The following SCFD1 variants were observed in gnomAD, a reference collection of about 807,000 sequenced individuals.
SCFD1 encodes sec1 family domain containing 1, also known as sec1 family domain-containing protein 1.
SCFD1 carries 37 observed loss-of-function variants against 103.2 expected under a neutral mutation model. That is an observed-to-expected ratio of 0.36 (90% CI 0.28 to 0.47). The LOEUF is 0.47. Ranked by LOEUF, SCFD1 falls within the 20% of genes least tolerant of loss-of-function variation. SCFD1 has a pLI of 1.00. For missense variants in SCFD1, 639 were observed against 761.2 expected (o/e 0.84, Z 1.89); for synonymous variants, 264 against 245.0 (o/e 1.08, Z -0.73).
intron 10 of SCFD1, among the ~76,000 whole-genome samples, chr14:30,668,330 A>G (rs1442313575): frequency 6.6e-6 from 1 of 152,238 alleles, no homozygotes; most frequent in Non-Finnish European, 1.5e-5. Context: ...TGGTGCTGGG[A>G]AAACTGGCTA....
intron 7 of SCFD1, among the ~76,000 whole-genome samples, chr14:30,647,972 G>A (rs550020378): frequency 6.6e-6 from 1 of 152,298 alleles, no homozygotes; most frequent in South Asian, 2.1e-4. Flanking sequence ...TTTCAAAGGA[G>A]AAATTGAAAT....
intron 18 of SCFD1, among the ~76,000 whole-genome samples, chr14:30,706,915 G>A (rs929650760): frequency 6.6e-6 from 1 of 152,140 alleles, no homozygotes; most frequent in Non-Finnish European, 1.5e-5. Flanking sequence ...ACAGTGCTGC[G>A]CAGGTTAGCA....
At chr14:30,726,009 G>A (rs552056948) in intron 23 of SCFD1, among the ~76,000 whole-genome samples, 23 of 152,232 alleles carry the variant, frequency 1.5e-4, no homozygotes, top group Middle Eastern at 3.4e-3. Flanking sequence ...CTGGTTCCAG[G>A]TGTTCCCGGG....
chr14:30,701,552 CA>C (rs947911549), intron 16 of SCFD1, among the ~76,000 whole-genome samples: 43 of 142,856 alleles, frequency 3.0e-4, no homozygotes, highest in East Asian at 6.0e-4. Context: ...AACTCCATCT[CA>C]AAAAAAAAAA....
At chr14:30,640,831 A>C (rs1356506274) in intron 6 of SCFD1, among the ~76,000 whole-genome samples, 1 of 152,118 alleles carries the variant, frequency 6.6e-6, no homozygotes, top group Non-Finnish European at 1.5e-5. Flanking sequence ...TATACTTATA[A>C]GTTTAATTAC....
intron 18 of SCFD1, 31 bp downstream of exon 18, chr14:30,705,916 T>G: frequency 6.4e-7 from 1 of 1,564,998 alleles, no homozygotes; most frequent in East Asian, 2.2e-5. Context: ...TTTTGCATCT[T>G]TGTACTCAAA....
Position 30,721,869 on chromosome 14 carries a change from TTTTC to T in SCFD1, c.1737-11_1737-8del. On this transcript the variant is annotated splice_polypyrimidine_tract_variant and intron_variant, in intron 21 of 24. Transcript: ENST00000458591. Reference sequence around the variant, plus strand: ...CCATGGGTGAAATTTTCATTACGGTTTTTCTTTATTACAGCTCAGTTCCCAGAAA... The same window carrying T: ...CCATGGGTGAAATTTTCATTACGGTTTTTATTACAGCTCAGTTCCCAGAAA... 6.2e-7 allele frequency: 1 copy of T among 1,604,778 alleles called. No individual in the cohort carries two copies.
intron 4 of SCFD1, among the ~76,000 whole-genome samples, chr14:30,637,328 TGG>T (rs1352810941): frequency 4.6e-5 from 7 of 152,108 alleles, no homozygotes; most frequent in African/African-American, 1.7e-4. Context: ...GTGAAAAACA[TGG>T]TTCCCAGTAT....
chr14:30,672,109 A>C (rs113718072), intron 11 of SCFD1, among the ~76,000 whole-genome samples: 3 of 152,054 alleles, frequency 2.0e-5, no homozygotes, highest in African/African-American at 7.2e-5. Context: ...TTCTCTGTTA[A>C]CTCTGAGACC....
At chr14:30,683,417 T>G in intron 14 of SCFD1, 1 of 524,482 alleles carries the variant, frequency 1.9e-6, no homozygotes, top group Non-Finnish European at 3.7e-6. Flanking sequence ...GGATGGCCCC[T>G]ACCCATGTGA....
chr14:30,622,359 G>A lies in SCFD1; in HGVS notation c.21G>A (p.Ala7=), dbSNP rs546812026. 6.4e-7 allele frequency: 1 copy of A among 1,565,340 alleles called. No individual in the cohort carries two copies. The highest frequency in any genetic ancestry group is 1.2e-5 in the South Asian group (1 of 85,414). ...CCAAGATGGCGGCGGCGGCGGCAGC[G>A]ACAGCAGCAGCAGCAGCCAGTATTC... MAAAAA[A]TAAAAASIRE... is the part of the protein sequence containing the mutation. The change falls in exon 1 of 25, where the codon GCG becomes GCA. Residue 7 remains alanine (A), a synonymous_variant. Coordinates refer to ENST00000458591, the MANE Select transcript of SCFD1 (RefSeq NM_016106.4).
At chr14:30,679,175 T>G (rs1208818522) in intron 14 of SCFD1, among the ~76,000 whole-genome samples, 2 of 152,140 alleles carry the variant, frequency 1.3e-5, no homozygotes, top group Non-Finnish European at 2.9e-5. Flanking sequence ...TATTAACATG[T>G]CATAACAATT....
chr14:30,703,960 T>TAA (rs1367117212), intron 17 of SCFD1, among the ~76,000 whole-genome samples: 1 of 45,394 alleles, frequency 2.2e-5, no homozygotes, highest in Non-Finnish European at 3.2e-5. Flanking sequence ...TATATATATA[T>TAA]ATAAATAATG....
chr14:30,699,182 C>CTTTTATT (rs1223615434), intron 15 of SCFD1, among the ~76,000 whole-genome samples: 3 of 152,164 alleles, frequency 2.0e-5, no homozygotes, highest in African/African-American at 7.2e-5. Context: ...CTTTAGAGAA[C>CTTTTATT]TTACCATTAT....
chr14:30,643,201 C>T, intron 6 of SCFD1, 115 bp from the exon 7 acceptor site: 5 of 781,156 alleles, frequency 6.4e-6, no homozygotes, highest in South Asian at 3.1e-5. Context: ...CAAAAAATTT[C>T]ACTTGCTGAG....
At chr14:30,672,112 CTG>C (rs1244641175) in intron 11 of SCFD1, among the ~76,000 whole-genome samples, 1 of 151,958 alleles carries the variant, frequency 6.6e-6, no homozygotes, top group African/African-American at 2.4e-5. Context: ...TCTGTTAACT[CTG>C]AGACCTAAAG....
chr14:30,709,069 T>C (rs550261051), intron 19 of SCFD1, among the ~76,000 whole-genome samples: 6 of 152,198 alleles, frequency 3.9e-5, no homozygotes, highest in Admixed American at 6.5e-5. Flanking sequence ...TACTGGAATA[T>C]TTTAAGGCAA....
At chr14:30,643,520 C>T (rs1055510480) in intron 7 of SCFD1, 115 bp downstream of exon 7, 8 of 724,038 alleles carry the variant, frequency 1.1e-5, no homozygotes, top group Admixed American at 4.7e-5. Context: ...TAGAGGTTCT[C>T]GAGTGGAGTA....
chr14:30,659,827 T>C (rs546326987), intron 10 of SCFD1, among the ~76,000 whole-genome samples: 4 of 152,286 alleles, frequency 2.6e-5, no homozygotes, highest in African/African-American at 9.6e-5. Flanking sequence ...AGCAAAACGA[T>C]TGTGGGTTGT....
Sources: gnomAD v4.1 joint callset for allele counts (sites outside exome capture counted in the v4.1 genomes callset) on GRCh38, gnomAD v4.1.1 for gene constraint, MANE v1.5 for transcripts, NCBI Gene and HGNC (gene_info 2026-07-23, HGNC 2026-07-21) for gene names.